The following CLASP1 variants were observed in gnomAD, a reference collection of about 807,000 sequenced individuals.
The protein encoded by CLASP1 is cytoplasmic linker associated protein 1.
Under a neutral mutation model 192.3 loss-of-function variants are expected in CLASP1, and 38 were observed. The observed-to-expected ratio is 0.20, with a 90% CI of 0.15 to 0.26. The LOEUF is 0.26. CLASP1 is among the 10% of genes least tolerant of loss of function. CLASP1 has a pLI of 1.00. For missense variants in CLASP1, 1,433 were observed against 1,932.5 expected, an observed-to-expected ratio of 0.74 and a Z score of 4.85; for synonymous variants, 691 against 712.8, an observed-to-expected ratio of 0.97 and a Z score of 0.49.
intron 2 of CLASP1, among the ~76,000 whole-genome samples, chr2:121,586,136 T>C (rs2061691392): frequency 2.0e-5 from 3 of 152,160 alleles, no homozygotes; most frequent in South Asian, 4.1e-4. Context: ...TATTCTTTTT[T>C]TCTTTTTTTG....
rs1246088253 is a variant in CLASP1 at position 121,382,273 on chromosome 2, A to G, written c.3426T>C (p.Phe1142=). 2.5e-6 allele frequency: 4 copies of G among 1,605,096 alleles called. No individual in the cohort carries two copies. In the Admixed American group the frequency reaches 6.8e-5, roughly 27 times the overall value. ...CGGTGGGGATGGAGTTAGGCTGAGA[A>G]AAGGGAGGTGGGTGCTTCGCTAACC... Residue 1142 remains phenylalanine (F), a synonymous_variant, in exon 33 of 40, where the codon TTT becomes TTC. Transcript: ENST00000263710.
At chr2:121,426,223 A>G (rs1313963815) in intron 21 of CLASP1, among the ~76,000 whole-genome samples, 1 of 152,220 alleles carries the variant, frequency 6.6e-6, no homozygotes, top group East Asian at 1.9e-4. Flanking sequence ...TATTTTTAAA[A>G]GTCAAACAAT....
chr2:121,618,052 T>A (rs1382455576), intron 1 of CLASP1, among the ~76,000 whole-genome samples: 1 of 152,220 alleles, frequency 6.6e-6, no homozygotes, highest in Non-Finnish European at 1.5e-5. Flanking sequence ...AGAGACCCAT[T>A]GGAAGGCCAT....
At chr2:121,531,092 G>GGTGCAC in intron 2 of CLASP1, 1 of 655,698 alleles carries the variant, frequency 1.5e-6, no homozygotes, top group Non-Finnish European at 2.8e-6. Flanking sequence ...ACCAGTAGAG[G>GGTGCAC]GTGCACAAGA....
chr2:121,469,981 CCAA>C (rs1219191079), intron 8 of CLASP1, 21 bp from the exon 9 acceptor site: 7 of 1,586,418 alleles, frequency 4.4e-6, no homozygotes, highest in Admixed American at 4.0e-5. Context: ...AGCACAGAAA[CCAA>C]CGTTTTTTTA....
At chr2:121,625,466 G>A (rs562966119) in intron 1 of CLASP1, among the ~76,000 whole-genome samples, 13 of 121,316 alleles carry the variant, frequency 1.1e-4, no homozygotes, top group East Asian at 9.5e-4. Context: ...ACGGAGTCTC[G>A]CTCTGTTATC....
intron 2 of CLASP1, chr2:121,530,775 G>C (rs1225664906): frequency 1.8e-6 from 1 of 561,446 alleles, no homozygotes; most frequent in Non-Finnish European, 3.2e-6. Context: ...GGAGGCTGGA[G>C]GTAAGCTAGC....
At position 121,631,613 on chromosome 2, in the gene CLASP1, T is replaced by C. The variant is rs115318885; in HGVS notation, c.-286+17759A>G. Among the ~76,000 whole-genome samples the C allele has an allele frequency of 7.4e-4, 112 of 151,792 alleles. 2 individuals are homozygous for C. The highest frequency in any genetic ancestry group is 2.6e-3 in the African/African-American group (108 of 41,440). On this transcript the variant is annotated intron_variant, in intron 1 of 39. Coordinates refer to ENST00000263710, the Ensembl canonical transcript of CLASP1. ...AAATTACATTTTTTAAACATATTTT[T>C]AAAATACATATTGCAGGCCAGGCAC...
intron 1 of CLASP1, among the ~76,000 whole-genome samples, chr2:121,645,820 T>C (rs953956624): frequency 3.3e-5 from 5 of 152,284 alleles, no homozygotes; most frequent in Admixed American, 6.5e-5. Flanking sequence ...GGATGAGGAC[T>C]GTCATAAGAA....
chr2:121,576,110 A>G (rs1384987375), intron 2 of CLASP1, among the ~76,000 whole-genome samples: 1 of 152,260 alleles, frequency 6.6e-6, no homozygotes, highest in Non-Finnish European at 1.5e-5. Context: ...AGGAAGGGTT[A>G]GAGGTCTTTT....
At chr2:121,485,522 A>G (rs1010878062) in intron 8 of CLASP1, among the ~76,000 whole-genome samples, 1 of 152,164 alleles carries the variant, frequency 6.6e-6, no homozygotes, top group Non-Finnish European at 1.5e-5. Context: ...GATAGAAAAG[A>G]GGGCCTTCCA....
At chr2:121,454,625 T>A (rs570073314) in intron 14 of CLASP1, among the ~76,000 whole-genome samples, 2 of 152,348 alleles carry the variant, frequency 1.3e-5, no homozygotes, top group Non-Finnish European at 2.9e-5. Flanking sequence ...CTGTGCTGCA[T>A]GGTTGGACAA....
Position 121,517,601 on chromosome 2 carries a change from T to C in CLASP1, c.547-1839A>G, listed in dbSNP as rs148242252. Among the ~76,000 whole-genome samples the C allele has an allele frequency of 2.1e-3, 325 of 152,240 alleles. 1 individual carries two copies. The highest frequency in any genetic ancestry group is 7.5e-3 in the African/African-American group (310 of 41,546). On this transcript the variant is annotated intron_variant, in intron 6 of 39. Transcript: ENST00000263710. ...CGAGCATGGTGGCTCACACCTGTAATCCCAGCACTTTGGGAGGCCAAGGTA... is the reference window on the plus strand; with the variant it reads ...CGAGCATGGTGGCTCACACCTGTAACCCCAGCACTTTGGGAGGCCAAGGTA...
chr2:121,631,377 T>G (rs1445251149), intron 1 of CLASP1, among the ~76,000 whole-genome samples: 1 of 146,278 alleles, frequency 6.8e-6, no homozygotes, highest in Non-Finnish European at 1.5e-5. Flanking sequence ...AACTTCCGCC[T>G]CCTAGATTCA....
chr2:121,615,975 A>C (rs1172946089), intron 1 of CLASP1, among the ~76,000 whole-genome samples: 2 of 152,134 alleles, frequency 1.3e-5, no homozygotes, highest in Non-Finnish European at 2.9e-5. Flanking sequence ...GCATTTACTA[A>C]CTGAAACATG....
At chr2:121,443,663 G>A (rs540565798) in intron 19 of CLASP1, among the ~76,000 whole-genome samples, 13 of 152,110 alleles carry the variant, frequency 8.5e-5, no homozygotes, top group South Asian at 2.1e-4. Flanking sequence ...AAACTTGTCC[G>A]ACCCTAAGAA....
intron 37 of CLASP1, among the ~76,000 whole-genome samples, chr2:121,357,125 A>G (rs1294196114): frequency 6.6e-6 from 1 of 152,140 alleles, no homozygotes; most frequent in African/African-American, 2.4e-5. Flanking sequence ...ACAAATATAG[A>G]CGGATTCCAA....
chr2:121,473,668 G>A (rs896432335), intron 8 of CLASP1, among the ~76,000 whole-genome samples: 3 of 152,058 alleles, frequency 2.0e-5, no homozygotes, highest in African/African-American at 4.8e-5. Flanking sequence ...AAAAGCATAC[G>A]GAGGCACATC....
At position 121,574,960 on chromosome 2, in the gene CLASP1, C is replaced by A. The variant is rs2060357336; in HGVS notation, c.195+30741G>T. 3.3e-5 allele frequency among the ~76,000 whole-genome samples: 5 copies of A among 151,446 alleles called. No individual in the cohort carries two copies. In the South Asian group the frequency reaches 1.0e-3, roughly 32 times the overall value. On this transcript the variant is annotated intron_variant, in intron 2 of 39. Transcript: ENST00000263710. ...TCTGTCTCAAAGAAAAAAAAAGAAA[C>A]CACTGAGAGATTTTAAATCTTCTCA...
Sources: allele counts gnomAD v4.1 joint callset (sites outside exome capture counted in the v4.1 genomes callset), GRCh38; gene constraint gnomAD v4.1.1; transcripts MANE v1.5; gene names NCBI Gene and HGNC (gene_info 2026-07-23, HGNC 2026-07-21).